The following CCDC171 variants were observed in gnomAD, a reference collection of about 807,000 sequenced individuals.
The protein encoded by CCDC171 is coiled-coil domain containing 171, also known as coiled-coil domain-containing protein 171.
A neutral mutation model predicts 168.2 loss-of-function variants in CCDC171; 177 were observed. The observed-to-expected ratio is 1.05, with a 90% CI of 0.93 to 1.19. The LOEUF is 1.19. Among genes scored for constraint, CCDC171 ranks in the 50% most tolerant of loss-of-function variants. The probability of loss-of-function intolerance (pLI) is 0.00; values close to 1 mark genes in which losing one functional copy is unlikely to be tolerated. For missense variants in CCDC171, 1,991 were observed against 1,539.0 expected, an observed-to-expected ratio of 1.29 and a Z score of -4.91; for synonymous variants, 687 against 540.8, an observed-to-expected ratio of 1.27 and a Z score of -3.75.
intron 6 of CCDC171, among the ~76,000 whole-genome samples, chr9:15,601,053 A>C (rs1266629457): frequency 6.6e-6 from 1 of 152,148 alleles, no homozygotes; most frequent in Non-Finnish European, 1.5e-5. Context: ...CTTGGCTAGG[A>C]AAGGGAATTC....
At chr9:15,593,304 A>T (rs1422650014) in intron 5 of CCDC171, among the ~76,000 whole-genome samples, 1 of 152,112 alleles carries the variant, frequency 6.6e-6, no homozygotes, top group Non-Finnish European at 1.5e-5. Context: ...TTTAAACCCT[A>T]TAGTTAGAAA....
rs117535901 is a variant in CCDC171 at position 15,828,320 on chromosome 9, A to C, written c.3268-18382A>C. ...TCTAAATTTGGAAGGCAGGAGGTAA[A>C]AGAGAAGATACAGAAAAAAAAAAAC... On this transcript the variant is annotated intron_variant, in intron 21 of 25. Coordinates refer to ENST00000380701, the MANE Select transcript of CCDC171 (RefSeq NM_173550.4). Among the ~76,000 whole-genome samples the C allele has an allele frequency of 8.0e-3, 784 of 97,546 alleles. 5 individuals are homozygous for C. The highest frequency in any genetic ancestry group is 0.012 in the Non-Finnish European group (592 of 48,758). The allele number at this position is 97,546 out of a possible 152,430, so 64.0% of individuals were successfully genotyped here.
chr9:15,802,463 A>G (rs1029711759), intron 21 of CCDC171, among the ~76,000 whole-genome samples: 2 of 152,030 alleles, frequency 1.3e-5, no homozygotes, highest in African/African-American at 4.8e-5. Context: ...CTGTGTGTCC[A>G]TGTGTTCTCA....
At chr9:15,636,958 C>T (rs181160258) in intron 7 of CCDC171, among the ~76,000 whole-genome samples, 1 of 151,394 alleles carries the variant, frequency 6.6e-6, no homozygotes, top group East Asian at 2.0e-4. Context: ...AGTTTTGACT[C>T]AGTTAAGAAA....
chr9:15,668,200 A>G (rs898710642), intron 9 of CCDC171, among the ~76,000 whole-genome samples: 3 of 152,142 alleles, frequency 2.0e-5, no homozygotes, highest in Non-Finnish European at 4.4e-5. Context: ...GCCTTGGGAA[A>G]TTCAAAACAC....
intron 25 of CCDC171, among the ~76,000 whole-genome samples, chr9:15,948,396 A>G (rs9722886): frequency 0.8 from 90,764 of 113,234 alleles, 36,834 homozygotes; most frequent in East Asian, 0.95. Flanking sequence ...CTGAGGAATC[A>G]CCACACTGAC....
intron 1 of CCDC171, among the ~76,000 whole-genome samples, chr9:16,048,948 A>AC (rs1833708018): frequency 1.2e-5 from 1 of 84,498 alleles, no homozygotes; most frequent in Non-Finnish European, 2.8e-5. Context: ...ATATAGAAAG[A>AC]CAAAAAAAAA....
intron 21 of CCDC171, among the ~76,000 whole-genome samples, chr9:15,810,350 G>T (rs915539943): frequency 6.6e-6 from 1 of 152,212 alleles, no homozygotes; most frequent in Non-Finnish European, 1.5e-5. Flanking sequence ...TGGATCCCAT[G>T]CCAGGGCCAC....
At chr9:15,891,368 C>G (rs1262143790) in intron 24 of CCDC171, among the ~76,000 whole-genome samples, 1 of 152,054 alleles carries the variant, frequency 6.6e-6, no homozygotes, top group East Asian at 1.9e-4. Flanking sequence ...TGTAGCTTTT[C>G]TTTTTGCACT....
At position 15,694,150 on chromosome 9, in the gene CCDC171, G is replaced by T. The variant is rs187868687; in HGVS notation, c.1216-1085G>T. 6.9e-4 allele frequency among the ~76,000 whole-genome samples: 104 copies of T among 151,772 alleles called. 1 individual carries two copies. The highest frequency in any genetic ancestry group is 2.4e-3 in the African/African-American group (98 of 41,364). ...TTCTGTTTTTCTTCTTCTTTTTTTA[G>T]TTTTGTTTGCTGACTTCTTTTCTAA... On this transcript the variant is annotated intron_variant, in intron 10 of 25. Coordinates refer to ENST00000380701, the MANE Select transcript of CCDC171 (RefSeq NM_173550.4).
At chr9:15,926,424 T>C (rs1825902165) in intron 25 of CCDC171, among the ~76,000 whole-genome samples, 1 of 151,652 alleles carries the variant, frequency 6.6e-6, no homozygotes, top group African/African-American at 2.4e-5. Flanking sequence ...CCCAATCCAT[T>C]CTTGCACCAT....
chr9:15,850,535 G>A (rs1445677882), intron 23 of CCDC171, among the ~76,000 whole-genome samples: 2 of 151,954 alleles, frequency 1.3e-5, no homozygotes, highest in African/African-American at 2.4e-5. Context: ...AGATTTAGTA[G>A]TTAATTATTT....
At chr9:15,945,962 A>G (rs544090936) in intron 25 of CCDC171, among the ~76,000 whole-genome samples, 1 of 151,112 alleles carries the variant, frequency 6.6e-6, no homozygotes, top group Non-Finnish European at 1.5e-5. Context: ...GCCCATGCCT[A>G]TGTCCTGAAT....
intron 24 of CCDC171, chr9:15,875,046 T>A (rs1460888916): frequency 6.5e-6 from 1 of 152,998 alleles, no homozygotes; most frequent in African/African-American, 2.4e-5. Context: ...AAAAATAAAA[T>A]AATAAATCAC....
intron 6 of CCDC171, among the ~76,000 whole-genome samples, chr9:15,609,541 A>G (rs2043496965): frequency 6.6e-6 from 1 of 152,182 alleles, no homozygotes; most frequent in Non-Finnish European, 1.5e-5. Context: ...TTGTTTTTCC[A>G]AATAGATAGC....
At chr9:15,712,423 T>C (rs913478763) in intron 11 of CCDC171, among the ~76,000 whole-genome samples, 11 of 152,210 alleles carry the variant, frequency 7.2e-5, no homozygotes, top group African/African-American at 2.7e-4. Context: ...TTTGTGTTTT[T>C]GTGATGAGAA....
In CCDC171 at chr9:15,971,772, C is replaced by T; in HGVS notation, c.3917C>T (p.Ser1306Leu). 1 of 1,613,978 alleles carries T rather than the reference C, an allele frequency of 6.2e-7. No homozygotes were observed. Among genetic ancestry groups the T allele is most frequent in the Non-Finnish European group, 8.5e-7 (1 of 1,179,900 alleles). ...AATACTGTGCCCCATGCTCTGACAT[C>T]ATCTCACTCCTCTCCAGTGACTATG... is the stretch of plus-strand genomic sequence containing the variant. ...FINTVPHALT[S>L]SHSSPVTMSA... is the part of the protein sequence containing the mutation. The change falls in exon 26 of 26, where the codon TCA becomes TTA. Residue 1306 changes from serine (S) to leucine (L), a missense_variant. Physicochemically the swap from Ser to Leu is moderately radical, Grantham distance 145. Coordinates refer to ENST00000380701, the MANE Select transcript of CCDC171 (RefSeq NM_173550.4).
the CCDC171 span, among the ~76,000 whole-genome samples, chr9:16,101,552 T>C: frequency 6.6e-5 from 10 of 152,356 alleles, no homozygotes; most frequent in African/African-American, 1.9e-4. Flanking sequence ...AGCTCACTAA[T>C]CAGTTGACTT....
intron 3 of CCDC171, among the ~76,000 whole-genome samples, chr9:16,003,032 C>G (rs1832600697): frequency 6.6e-6 from 1 of 152,220 alleles, no homozygotes; most frequent in Non-Finnish European, 1.5e-5. Flanking sequence ...AGAACATATC[C>G]TTGTTAAGTG....
Sources: gnomAD v4.1 joint callset for allele counts (sites outside exome capture counted in the v4.1 genomes callset) on GRCh38, gnomAD v4.1.1 for gene constraint, MANE v1.5 for transcripts, NCBI Gene and HGNC (gene_info 2026-07-23, HGNC 2026-07-21) for gene names.